Variants in FSTL4 observed in about 807,000 individuals in gnomAD.
FSTL4 encodes follistatin like 4, also known as follistatin-related protein 4.
A neutral mutation model predicts 78.2 loss-of-function variants in FSTL4; 28 were observed. The ratio of observed to expected loss-of-function variants is 0.36; its 90% CI spans 0.27 to 0.49. The LOEUF is 0.49. Among genes scored for constraint, FSTL4 ranks in the 20% least tolerant of loss-of-function variants. The probability of loss-of-function intolerance (pLI) is 0.98; values close to 1 mark genes in which losing one functional copy is unlikely to be tolerated. For synonymous variants in FSTL4, 422 were observed against 440.5 expected, an observed-to-expected ratio of 0.96 and a Z score of 0.53; for missense variants, 922 against 1,084.9, an observed-to-expected ratio of 0.85 and a Z score of 2.11.
the FSTL4 span, among the ~76,000 whole-genome samples, chr5:133,630,766 C>G: frequency 6.6e-6 from 1 of 152,192 alleles, no homozygotes; most frequent in Non-Finnish European, 1.5e-5. Context: ...GTAACCAAAA[C>G]AGCATTGTAC....
At chr5:133,263,767 G>C (rs1752585542) in intron 6 of FSTL4, among the ~76,000 whole-genome samples, 3 of 152,158 alleles carry the variant, frequency 2.0e-5, no homozygotes, top group African/African-American at 7.2e-5. Flanking sequence ...TGTGCTAATG[G>C]GAGTGATTGG....
At chr5:133,557,260 G>A (rs1759809768) in intron 3 of FSTL4, among the ~76,000 whole-genome samples, 1 of 152,228 alleles carries the variant, frequency 6.6e-6, no homozygotes, top group South Asian at 2.1e-4. Flanking sequence ...TCTGAAGACA[G>A]AAGAGAGCAC....
chr5:133,541,723 C>T (rs564552410), intron 3 of FSTL4, among the ~76,000 whole-genome samples: 7 of 152,160 alleles, frequency 4.6e-5, no homozygotes, highest in African/African-American at 1.7e-4. Context: ...TTGACAAGTC[C>T]CCATGATGTT....
intron 3 of FSTL4, among the ~76,000 whole-genome samples, chr5:133,545,397 T>C (rs182566097): frequency 4.6e-4 from 70 of 152,274 alleles, no homozygotes; most frequent in Non-Finnish European, 6.9e-4. Context: ...AGTGTGTTAT[T>C]ATAAAGCAAG....
chr5:133,300,727 A>G (rs1225607014), intron 6 of FSTL4, among the ~76,000 whole-genome samples: 3 of 152,156 alleles, frequency 2.0e-5, no homozygotes, highest in East Asian at 1.9e-4. Flanking sequence ...GAGGTAGACT[A>G]TTGAGGGTCA....
intron 8 of FSTL4, among the ~76,000 whole-genome samples, chr5:133,230,271 G>A (rs143129842): frequency 9.9e-5 from 15 of 152,274 alleles, no homozygotes; most frequent in East Asian, 1.9e-4. Context: ...CACCCCCAGC[G>A]TCTGATTCCT....
At chr5:133,810,779 C>T in the FSTL4 span, among the ~76,000 whole-genome samples, 1 of 152,170 alleles carries the variant, frequency 6.6e-6, no homozygotes, top group Non-Finnish European at 1.5e-5. Context: ...GCCCGGCCAG[C>T]ACCATGTTGC....
the FSTL4 span, among the ~76,000 whole-genome samples, chr5:133,697,230 C>T: frequency 9.8e-5 from 15 of 152,308 alleles, no homozygotes; most frequent in East Asian, 2.9e-3. Context: ...ACATGAGAAT[C>T]CTGCTGTTCC....
At chr5:133,341,876 A>G (rs1024451775) in intron 4 of FSTL4, among the ~76,000 whole-genome samples, 4 of 152,136 alleles carry the variant, frequency 2.6e-5, no homozygotes, top group African/African-American at 9.7e-5. Context: ...TGGCCCTCCA[A>G]TGTATGACAG....
intron 4 of FSTL4, among the ~76,000 whole-genome samples, chr5:133,350,418 C>T (rs901488277): frequency 5.3e-5 from 8 of 152,348 alleles, no homozygotes; most frequent in South Asian, 4.1e-4. Context: ...CACGAAGGGC[C>T]CACACAGCAT....
intron 3 of FSTL4, among the ~76,000 whole-genome samples, chr5:133,486,653 T>C (rs1308655002): frequency 6.6e-6 from 1 of 152,122 alleles, no homozygotes; most frequent in Non-Finnish European, 1.5e-5. Context: ...CCCTTTACAG[T>C]TGTGTTACTG....
At chr5:133,655,956 G>C in the FSTL4 span, among the ~76,000 whole-genome samples, 1 of 152,186 alleles carries the variant, frequency 6.6e-6, no homozygotes, top group Non-Finnish European at 1.5e-5. Context: ...CTAGTGACTA[G>C]TGGAATCACG....
At position 133,315,053 on chromosome 5, in the gene FSTL4, T is replaced by C. The variant is rs188526260; in HGVS notation, c.603+1406A>G. Among the ~76,000 whole-genome samples, 593 of 152,224 alleles carry C rather than the reference T, an allele frequency of 3.9e-3. 6 individuals are homozygous for C. The highest frequency in any genetic ancestry group is 0.011 in the African/African-American group (460 of 41,530). On this transcript the variant is annotated intron_variant, in intron 5 of 15. Coordinates refer to ENST00000265342, the MANE Select transcript of FSTL4 (RefSeq NM_015082.2). ...GGTGTAAGCCTGCAATTCCAGCTAC[T>C]TGGGAGGCTGAGGCAGAAGAATGGC...
At chr5:133,821,048 TC>T in the FSTL4 span, among the ~76,000 whole-genome samples, 1 of 152,218 alleles carries the variant, frequency 6.6e-6, no homozygotes, top group Non-Finnish European at 1.5e-5. Flanking sequence ...TTATAATGTA[TC>T]CCTTTAAAAG....
At chr5:133,566,819 C>A (rs1760036624) in intron 3 of FSTL4, among the ~76,000 whole-genome samples, 1 of 152,166 alleles carries the variant, frequency 6.6e-6, no homozygotes, top group Non-Finnish European at 1.5e-5. Flanking sequence ...TATTGAAATA[C>A]CACAAACCAT....
At chr5:133,346,025 A>C (rs1401715317) in intron 4 of FSTL4, among the ~76,000 whole-genome samples, 2 of 152,252 alleles carry the variant, frequency 1.3e-5, no homozygotes, top group African/African-American at 4.8e-5. Flanking sequence ...GGATAAAGGA[A>C]ATGTGGCACA....
chr5:133,266,128 C>T (rs1419461545), intron 6 of FSTL4, among the ~76,000 whole-genome samples: 4 of 152,212 alleles, frequency 2.6e-5, no homozygotes, highest in Non-Finnish European at 4.4e-5. Context: ...TCCCAGGAGG[C>T]CCTCACTGGA....
chr5:133,484,175 G>A lies in FSTL4; in HGVS notation c.160+83011C>T, dbSNP rs552580812. 7.2e-5 allele frequency among the ~76,000 whole-genome samples: 11 copies of A among 152,290 alleles called. No homozygotes were observed. The South Asian group carries it at 2.3e-3, about 32-fold the overall frequency. On this transcript the variant is annotated intron_variant, in intron 3 of 15. Transcript: ENST00000265342. ...GCAATGTCCTCCTCTCCCAGGCATGGACTCCTGAAGCAAACGGAAGGCCCT... is the reference window on the plus strand; with the variant it reads ...GCAATGTCCTCCTCTCCCAGGCATGAACTCCTGAAGCAAACGGAAGGCCCT...
chr5:133,211,627 G>C (rs947311008), intron 13 of FSTL4, among the ~76,000 whole-genome samples: 1 of 152,116 alleles, frequency 6.6e-6, no homozygotes, highest in Non-Finnish European at 1.5e-5. Flanking sequence ...TTCTGAATTC[G>C]TGCCGAATTC....
Sources: gnomAD v4.1 joint callset for allele counts (sites outside exome capture counted in the v4.1 genomes callset) on GRCh38, gnomAD v4.1.1 for gene constraint, MANE v1.5 for transcripts, NCBI Gene and HGNC (gene_info 2026-07-23, HGNC 2026-07-21) for gene names.